The following ATP9A variants were observed in gnomAD, a reference collection of about 807,000 sequenced individuals.
The protein encoded by ATP9A is probable phospholipid-transporting ATPase IIA.
Under a neutral mutation model 144.1 loss-of-function variants are expected in ATP9A, and 52 were observed. That is an observed-to-expected ratio of 0.36 (90% confidence interval 0.29 to 0.45). The LOEUF (loss-of-function observed/expected upper bound fraction) is 0.45, where lower values mean the gene tolerates loss of function less well. ATP9A is among the 20% of genes least tolerant of loss of function. The probability of loss-of-function intolerance (pLI) is 1.00; values close to 1 mark genes in which losing one functional copy is unlikely to be tolerated. For synonymous variants in ATP9A, 582 were observed against 557.4 expected (o/e 1.04, Z -0.62); for missense variants, 947 against 1,392.7 (o/e 0.68, Z 5.09).
At chr20:51,721,834 A>C (rs375094329) in intron 3 of ATP9A, among the ~76,000 whole-genome samples, 4 of 151,796 alleles carry the variant, frequency 2.6e-5, no homozygotes. Context: ...AAAAAGAAAA[A>C]ACAATTCTAA....
At chr20:51,661,526 C>CTTTTTT (rs533280164) in intron 13 of ATP9A, among the ~76,000 whole-genome samples, 2 of 108,760 alleles carry the variant, frequency 1.8e-5, no homozygotes, top group African/African-American at 3.7e-5. Flanking sequence ...CCATGCCCAG[C>CTTTTTT]TTTTTTTTTT....
At chr20:51,688,945 G>T in intron 9 of ATP9A, 119 bp downstream of exon 9, 1 of 1,112,556 alleles carries the variant, frequency 9.0e-7, no homozygotes, top group Non-Finnish European at 1.3e-6. Flanking sequence ...GTCGGAACAA[G>T]TGGAAAATGC....
At chr20:51,758,537 T>C (rs1377189504) in intron 1 of ATP9A, among the ~76,000 whole-genome samples, 1 of 152,196 alleles carries the variant, frequency 6.6e-6, no homozygotes, top group African/African-American at 2.4e-5. Context: ...ACTTATTGCA[T>C]GCAAGACAGA....
intron 1 of ATP9A, among the ~76,000 whole-genome samples, chr20:51,733,379 CT>C (rs554396491): frequency 7.0e-4 from 103 of 146,714 alleles, no homozygotes; most frequent in Middle Eastern, 7.1e-3. Flanking sequence ...TTCCTCATGC[CT>C]TTTTTTTTTT....
chr20:51,732,629 T>C (rs907788495), intron 1 of ATP9A: 2 of 144,178 alleles, frequency 1.4e-5, no homozygotes, highest in Admixed American at 1.4e-4. Context: ...AGGTTTCACT[T>C]CTAGTAACTC....
chr20:51,710,724 G>A (rs2077634652), intron 4 of ATP9A, among the ~76,000 whole-genome samples: 1 of 152,182 alleles, frequency 6.6e-6, no homozygotes, highest in Non-Finnish European at 1.5e-5. Context: ...CACAAAGGAA[G>A]ACAAGTTTTT....
intron 1 of ATP9A, among the ~76,000 whole-genome samples, chr20:51,756,747 G>A (rs758241172): frequency 2.0e-5 from 3 of 152,130 alleles, no homozygotes; most frequent in Non-Finnish European, 4.4e-5. Flanking sequence ...CTTCAAACGT[G>A]AATTTGGGGA....
chr20:51,693,891 TCCCCTACTGGC>T, intron 7 of ATP9A, 106 bp downstream of exon 7: 1 of 868,158 alleles, frequency 1.2e-6, no homozygotes, highest in Non-Finnish European at 1.8e-6. Context: ...GACCCCACGC[TCCCCTACTGGC>T]CCCACTTCAC....
chr20:51,704,737 G>A (rs573475180), intron 4 of ATP9A, among the ~76,000 whole-genome samples: 16 of 152,280 alleles, frequency 1.1e-4, no homozygotes, highest in South Asian at 8.3e-4. Context: ...CCGAGATCGC[G>A]CCATCGCACT....
intron 1 of ATP9A, among the ~76,000 whole-genome samples, chr20:51,738,940 G>T (rs907720660): frequency 1.3e-5 from 2 of 151,900 alleles, no homozygotes; most frequent in African/African-American, 4.8e-5. Flanking sequence ...AAATTAACCA[G>T]GCGTGGTGGC....
chr20:51,761,682 C>T (rs187713812), intron 1 of ATP9A, among the ~76,000 whole-genome samples: 2 of 152,052 alleles, frequency 1.3e-5, no homozygotes, highest in East Asian at 1.9e-4. Context: ...ATGGCGCGAA[C>T]CCGGAAGGCG....
At chr20:51,671,386 A>T (rs2255358) in intron 11 of ATP9A, 129 bp from the exon 12 acceptor site, 1 of 1,065,954 alleles carries the variant, frequency 9.4e-7, no homozygotes, top group Non-Finnish European at 1.3e-6. Context: ...GCACACTGCC[A>T]GAGCTGAACG....
intron 26 of ATP9A, among the ~76,000 whole-genome samples, chr20:51,606,548 T>C (rs2077164447): frequency 6.6e-6 from 1 of 152,022 alleles, no homozygotes; most frequent in Non-Finnish European, 1.5e-5. Flanking sequence ...AATACAAAAA[T>C]TAGCCGGGTG....
At chr20:51,704,313 T>G (rs1427779543) in intron 4 of ATP9A, among the ~76,000 whole-genome samples, 2 of 151,726 alleles carry the variant, frequency 1.3e-5, no homozygotes, top group Non-Finnish European at 2.9e-5. Flanking sequence ...CGAACACCCT[T>G]ACAGGGGGGA....
At chr20:51,630,929 G>T (rs1395675975) in intron 15 of ATP9A, among the ~76,000 whole-genome samples, 2 of 152,240 alleles carry the variant, frequency 1.3e-5, no homozygotes, top group Admixed American at 6.5e-5. Flanking sequence ...TTTCCCTGTG[G>T]TATAAGCCCT....
At chr20:51,654,245 G>T (rs1311334021) in intron 14 of ATP9A, among the ~76,000 whole-genome samples, 1 of 152,136 alleles carries the variant, frequency 6.6e-6, no homozygotes, top group Non-Finnish European at 1.5e-5. Flanking sequence ...ACACCCTGCA[G>T]GCTGGAAGGA....
Position 51,697,905 on chromosome 20 carries a change from TTAATTTA to T in ATP9A, c.437-430_437-424del, listed in dbSNP as rs1325219098. 6.6e-5 allele frequency among the ~76,000 whole-genome samples: 10 copies of T among 152,364 alleles called. No individual in the cohort carries two copies. The East Asian group carries it at 1.7e-3, about 26-fold the overall frequency. Reference sequence around the variant, plus strand: ...TAATTCCAAATGACTGATTTACTTTTTAATTTATAATTGCTACATGCTTTGATTTATA... The same window carrying T: ...TAATTCCAAATGACTGATTTACTTTTTAATTGCTACATGCTTTGATTTATA... On this transcript the variant is annotated intron_variant, in intron 4 of 27. Coordinates refer to ENST00000338821, the MANE Select transcript of ATP9A (RefSeq NM_006045.3).
intron 1 of ATP9A, among the ~76,000 whole-genome samples, chr20:51,763,328 T>G (rs1480329477): frequency 1.3e-5 from 2 of 151,346 alleles, no homozygotes; most frequent in East Asian, 3.9e-4. Flanking sequence ...TTTTTTTTTT[T>G]TTGAGATGGA....
At chr20:51,748,907 T>TTAGATAGATAGA (rs34474584) in intron 1 of ATP9A, among the ~76,000 whole-genome samples, 93 of 143,266 alleles carry the variant, frequency 6.5e-4, no homozygotes, top group South Asian at 1.1e-3. Context: ...CCTCTAAAGA[T>TTAGATAGATAGA]TAGATAGATA....
Sources: allele counts gnomAD v4.1 joint callset (sites outside exome capture counted in the v4.1 genomes callset), GRCh38; gene constraint gnomAD v4.1.1; transcripts MANE v1.5; gene names NCBI Gene and HGNC (gene_info 2026-07-23, HGNC 2026-07-21).